The following ZFHX3 variants were observed in gnomAD, a reference collection of about 807,000 sequenced individuals.
ZFHX3 encodes zinc finger homeobox protein 3.
A neutral mutation model predicts 279.1 loss-of-function variants in ZFHX3; 42 were observed. The observed-to-expected ratio is 0.15, with a 90% CI of 0.12 to 0.19. The LOEUF is 0.19. ZFHX3 is among the 10% of genes least tolerant of loss of function. The pLI is 1.00. For synonymous variants in ZFHX3, 2,293 were observed against 1,957.8 expected, an observed-to-expected ratio of 1.17 and a Z score of -4.52; for missense variants, 4,981 against 4,754.0, an observed-to-expected ratio of 1.05 and a Z score of -1.40.
intron 4 of ZFHX3, among the ~76,000 whole-genome samples, chr16:72,864,850 A>AATCTAAT (rs2037974532): frequency 3.3e-5 from 5 of 152,220 alleles, no homozygotes; most frequent in Non-Finnish European, 7.3e-5. Context: ...GATGATGCCT[A>AATCTAAT]GCGCAATCTA....
In ZFHX3 at chr16:72,788,524, C is replaced by G; in HGVS notation, c.9752G>C (p.Gly3251Ala). The change falls in exon 10 of 10, where the codon GGG (glycine) becomes GCG (alanine). Residue 3251 changes from glycine (G) to alanine (A), a missense_variant. Coordinates refer to ENST00000268489, the MANE Select transcript of ZFHX3 (RefSeq NM_006885.4). ...KEKEKAHKGKGEPLPVPKKEK... is the reference protein window; with the variant it reads ...KEKEKAHKGKAEPLPVPKKEK... Reference sequence around the variant, plus strand: ...CTTCTTGGGGACAGGCAGGGGTTCCCCTTTCCCTTTGTGTGCCTTTTCCTT... The same window carrying G: ...CTTCTTGGGGACAGGCAGGGGTTCCGCTTTCCCTTTGTGTGCCTTTTCCTT... 2 of 1,614,166 alleles carry G rather than the reference C, an allele frequency of 1.2e-6. No homozygotes were observed. The highest frequency in any genetic ancestry group is 1.1e-5 in the South Asian group (1 of 91,088).
intron 1 of ZFHX3, among the ~76,000 whole-genome samples, chr16:72,962,147 AG>A (rs903223955): frequency 2.0e-5 from 3 of 152,218 alleles, no homozygotes; most frequent in South Asian, 4.1e-4. Context: ...ACATGCGGGA[AG>A]GGGGGGCCAC....
At chr16:73,267,255 G>A (rs921504055) in intron 4 of ZFHX3, among the ~76,000 whole-genome samples, 1 of 152,110 alleles carries the variant, frequency 6.6e-6, no homozygotes, top group East Asian at 1.9e-4. Flanking sequence ...CCTTGGGCCT[G>A]TGGAATACAC....
At chr16:73,809,271 C>T (rs1960365497) in intron 1 of ZFHX3, 1 of 152,246 alleles carries the variant, frequency 6.6e-6, no homozygotes. Context: ...TAATGCAAGT[C>T]AGCTGCACCG....
chr16:73,596,602 C>G (rs1206117999), intron 2 of ZFHX3, among the ~76,000 whole-genome samples: 1 of 152,190 alleles, frequency 6.6e-6, no homozygotes, highest in Non-Finnish European at 1.5e-5. Flanking sequence ...TCTTCACCAC[C>G]TGTGCTCCCA....
At chr16:73,349,954 T>C (rs531044316) in intron 3 of ZFHX3, among the ~76,000 whole-genome samples, 1 of 148,282 alleles carries the variant, frequency 6.7e-6, no homozygotes, top group South Asian at 2.2e-4. Context: ...TTTCCATGGA[T>C]CCTTGAGAAC....
At chr16:73,209,255 C>G (rs895504878) in intron 5 of ZFHX3, among the ~76,000 whole-genome samples, 1 of 152,202 alleles carries the variant, frequency 6.6e-6, no homozygotes, top group South Asian at 2.1e-4. Context: ...TTGTATTTCC[C>G]AAATAAAAAT....
chr16:73,655,629 A>G (rs985378034), intron 2 of ZFHX3, among the ~76,000 whole-genome samples: 1 of 152,224 alleles, frequency 6.6e-6, no homozygotes, highest in Non-Finnish European at 1.5e-5. Context: ...GGTTATGCAA[A>G]CAATTATGAT....
At chr16:73,380,082 A>C (rs1225315026) in intron 3 of ZFHX3, among the ~76,000 whole-genome samples, 1 of 152,248 alleles carries the variant, frequency 6.6e-6, no homozygotes, top group African/African-American at 2.4e-5. Context: ...CAAAAGTAGC[A>C]ATGTGGACAT....
intron 2 of ZFHX3, chr16:73,504,226 T>C (rs370385434): frequency 3.3e-5 from 5 of 152,314 alleles, no homozygotes; most frequent in African/African-American, 1.2e-4. Context: ...CTTAATGTTT[T>C]CTTTTTTTAA....
chr16:73,233,083 A>T (rs973539897), intron 5 of ZFHX3: 4 of 144,908 alleles, frequency 2.8e-5, no homozygotes, highest in African/African-American at 1.0e-4. Flanking sequence ...TGAAATGATG[A>T]CAGGAAAACA....
chr16:72,980,612 A>C (rs1030159193), intron 1 of ZFHX3, among the ~76,000 whole-genome samples: 8 of 144,356 alleles, frequency 5.5e-5, no homozygotes, highest in Admixed American at 4.0e-4. Context: ...TTAAAAAAAA[A>C]AAAACAAAAA....
chr16:73,127,150 G>T, intron 7 of ZFHX3: 2 of 333,554 alleles, frequency 6.0e-6, no homozygotes, highest in Non-Finnish European at 1.1e-5. Flanking sequence ...TCAAGTCATT[G>T]CCTCAAATAG....
intron 2 of ZFHX3, among the ~76,000 whole-genome samples, chr16:73,575,969 A>T (rs1321854215): frequency 6.6e-6 from 1 of 152,134 alleles, no homozygotes; most frequent in East Asian, 1.9e-4. Context: ...GATTTTCAGG[A>T]TGAATGGAAG....
chr16:73,179,742 G>C (rs904002689), intron 5 of ZFHX3, among the ~76,000 whole-genome samples: 3 of 152,116 alleles, frequency 2.0e-5, no homozygotes, highest in Admixed American at 6.6e-5. Flanking sequence ...TTGGATTTCT[G>C]CTTTTTAAAT....
At chr16:73,375,586 TA>T (rs1378044500) in intron 3 of ZFHX3, among the ~76,000 whole-genome samples, 1 of 152,212 alleles carries the variant, frequency 6.6e-6, no homozygotes, top group Non-Finnish European at 1.5e-5. Flanking sequence ...ATATTTAAGA[TA>T]AAATACATTA....
intron 2 of ZFHX3, among the ~76,000 whole-genome samples, chr16:73,659,474 C>CGAAG (rs2052757151): frequency 6.6e-6 from 1 of 152,054 alleles, no homozygotes; most frequent in Non-Finnish European, 1.5e-5. Flanking sequence ...TGAAGAAAAA[C>CGAAG]GAAGAGAAGT....
At chr16:72,865,393 C>T (rs1435325629) in intron 4 of ZFHX3, among the ~76,000 whole-genome samples, 1 of 152,228 alleles carries the variant, frequency 6.6e-6, no homozygotes, top group African/African-American at 2.4e-5. Context: ...GCTCTGAGTG[C>T]CATGGATCTG....
At chr16:73,317,591 C>A (rs548503050) in intron 4 of ZFHX3, among the ~76,000 whole-genome samples, 1 of 152,080 alleles carries the variant, frequency 6.6e-6, no homozygotes, top group African/African-American at 2.4e-5. Context: ...AGCCGACCAG[C>A]GGTTGCTGTG....
Sources: gnomAD v4.1 joint callset for allele counts (sites outside exome capture counted in the v4.1 genomes callset) on GRCh38, gnomAD v4.1.1 for gene constraint, MANE v1.5 for transcripts, NCBI Gene and HGNC (gene_info 2026-07-23, HGNC 2026-07-21) for gene names.